The following PLG variants were observed in gnomAD, a reference collection of about 807,000 sequenced individuals.
PLG encodes the protein plasmin.
PLG carries 41 observed loss-of-function variants against 104.4 expected under a neutral mutation model. That is an observed-to-expected ratio of 0.39 (90% CI 0.31 to 0.51). The LOEUF (loss-of-function observed/expected upper bound fraction) is 0.51, where lower values mean the gene tolerates loss of function less well. Among genes scored for constraint, PLG ranks in the 20% least tolerant of loss-of-function variants. PLG has a pLI of 0.76. For missense variants in PLG, 891 were observed against 1,003.6 expected, an observed-to-expected ratio of 0.89 and a Z score of 1.52; for synonymous variants, 337 against 357.1, an observed-to-expected ratio of 0.94 and a Z score of 0.63.
rs531312056 is a variant in PLG, at chr6:160,717,413, A to G, written c.787+650A>G. ...CCTTTCCTCTGACATGTGTCCTTTGAAAGCGGAAGTTCCTCAGGCATTCTC... is the reference window on the plus strand; with the variant it reads ...CCTTTCCTCTGACATGTGTCCTTTGGAAGCGGAAGTTCCTCAGGCATTCTC... On this transcript the variant is annotated intron_variant, in intron 7 of 18. Transcript: ENST00000308192. Among the ~76,000 whole-genome samples the G allele has an allele frequency of 3.9e-5, 6 of 152,338 alleles. No individual in the cohort carries two copies. The East Asian group carries it at 1.2e-3, about 29-fold the overall frequency.
In PLG at chr6:160,718,261, T is replaced by C. The variant is rs967388061; in HGVS notation, c.788-33T>C. Reference sequence around the variant, plus strand: ...GCGAGACTCCGTCTCAAAAAATATATATATTCATTGTAACTTATTTTGCCC... The same window carrying C: ...GCGAGACTCCGTCTCAAAAAATATACATATTCATTGTAACTTATTTTGCCC... On this transcript the variant is annotated intron_variant, in intron 7 of 18. Transcript: ENST00000308192. 4.4e-6 allele frequency: 7 copies of C among 1,584,972 alleles called. No homozygotes were observed. The African/African-American group carries it at 5.4e-5, about 12-fold the overall frequency.
rs532170666 is a variant in PLG at position 160,744,698 on chromosome 6, T to A, written c.2125+3281T>A. On this transcript the variant is annotated intron_variant, in intron 17 of 18. Transcript: ENST00000308192. This position sits in a 1 kb window ranked among gnomAD's most constrained non-coding sequence, Gnocchi z 4.5. ...ATTTTGGTTATTTCTTGCCATCTGC[T>A]AGCTTTGGGGTTGATTTGCTCTTGT... 4.6e-5 allele frequency among the ~76,000 whole-genome samples: 7 copies of A among 152,336 alleles called. No individual in the cohort carries two copies. In the East Asian group the frequency reaches 1.4e-3, roughly 29 times the overall value.
At chr6:160,716,550 A>C in intron 6 of PLG, 95 bp from the exon 7 acceptor site, 1 of 810,322 alleles carries the variant, frequency 1.2e-6, no homozygotes, top group Non-Finnish European at 2.2e-6. Flanking sequence ...GACTGTGCCT[A>C]GCACACAGCA....
Position 160,719,823 on chromosome 6 carries a change from G to A in PLG, c.1096+985G>A, listed in dbSNP as rs1777800325. ...TATACTATTACTCTTTGTAATAGAA[G>A]CTTACTTCTACTATGTCACAGATCT... On this transcript the variant is annotated intron_variant, in intron 9 of 18. Transcript: ENST00000308192. The surrounding 1 kb of genome is among the most constrained non-coding windows in gnomAD (Gnocchi z 4.1). Among the ~76,000 whole-genome samples, 1 of 152,112 alleles carries A rather than the reference G, an allele frequency of 6.6e-6. No individual in the cohort carries two copies. Among genetic ancestry groups the A allele is most frequent in the Admixed American group, 6.5e-5 (1 of 15,268 alleles).
chr6:160,745,222 C>T (rs564763294), intron 17 of PLG, among the ~76,000 whole-genome samples: 6 of 152,202 alleles, frequency 3.9e-5, no homozygotes, highest in South Asian at 2.1e-4. Context: ...TTTTGTGCCT[C>T]GATGATCTGT....
Position 160,716,710 on chromosome 6 carries a change from G to A in PLG, c.734G>A (p.Cys245Tyr). 2 of 1,613,770 alleles carry A rather than the reference G, an allele frequency of 1.2e-6. No homozygotes were observed. The highest frequency in any genetic ancestry group is 1.7e-6 in the Non-Finnish European group (2 of 1,179,664). The change falls in exon 7 of 19, where the codon TGT (cysteine) becomes TAT (tyrosine). Residue 245 changes from cysteine (C) to tyrosine (Y), a missense_variant. By Grantham distance (194) the Cys-to-Tyr change is radical. Coordinates refer to ENST00000308192, the MANE Select transcript of PLG (RefSeq NM_000301.5). Reference protein sequence around the residue: ...RNPDRELRPWCFTTDPNKRWE... With the variant: ...RNPDRELRPWYFTTDPNKRWE... Reference sequence around the variant, plus strand: ...CCCGATAGGGAGCTGCGGCCTTGGTGTTTCACCACCGACCCCAACAAGCGC... The same window carrying A: ...CCCGATAGGGAGCTGCGGCCTTGGTATTTCACCACCGACCCCAACAAGCGC...
intron 1 of PLG, among the ~76,000 whole-genome samples, chr6:160,703,938 G>A (rs1263850628): frequency 6.6e-6 from 1 of 152,162 alleles, no homozygotes; most frequent in African/African-American, 2.4e-5. Context: ...CCGGGGAGAG[G>A]GAAAAGTTTC....
chr6:160,743,224 G>C (rs1302548518), intron 17 of PLG, among the ~76,000 whole-genome samples: 1 of 152,120 alleles, frequency 6.6e-6, no homozygotes, highest in African/African-American at 2.4e-5. Flanking sequence ...GATAGGAATA[G>C]CAATGAATCT....
At position 160,715,376 on chromosome 6, in the gene PLG, A is replaced by T. The variant is rs565042037; in HGVS notation, c.668+462A>T. ...CAAGTCTCCTAACCTTTGACCTATG[A>T]GCAGACGTCATGGATTTTTGAATCC... On this transcript the variant is annotated intron_variant, in intron 6 of 18. Transcript: ENST00000308192. 2.6e-5 allele frequency among the ~76,000 whole-genome samples: 4 copies of T among 152,256 alleles called. No homozygotes were observed. In the South Asian group the frequency reaches 8.3e-4, roughly 32 times the overall value.
chr6:160,736,322 G>A lies in PLG; in HGVS notation c.1682-565G>A, dbSNP rs1778082617. On this transcript the variant is annotated intron_variant, in intron 13 of 18. Coordinates refer to ENST00000308192, the MANE Select transcript of PLG (RefSeq NM_000301.5). This position sits in a 1 kb window ranked among gnomAD's most constrained non-coding sequence, Gnocchi z 5.2. ...GGAGGCTCCCCAGAGGAGCTGTCCT[G>A]AAGCTGGCTGACAGAAGGCAACATT... is the stretch of plus-strand genomic sequence containing the variant. 6.6e-6 allele frequency among the ~76,000 whole-genome samples: 1 copy of A among 152,218 alleles called. No homozygotes were observed. The highest frequency in any genetic ancestry group is 2.1e-4 in the South Asian group (1 of 4,832).
rs577116821 is a variant in PLG at position 160,705,337 on chromosome 6, A to G, written c.50-1070A>G. ...GAGCACAGCTGAGGCCCCCTTGGCC[A>G]CCCTCTGCCACGACCAGGCAGAAAG... is the stretch of plus-strand genomic sequence containing the variant. On this transcript the variant is annotated intron_variant, in intron 1 of 18. Transcript: ENST00000308192. The G allele has an allele frequency of 2.0e-5, 3 of 150,134 alleles. No homozygotes were observed. In the South Asian group the frequency reaches 6.3e-4, roughly 32 times the overall value. 9.3% of individuals were successfully genotyped at this position (150,134 alleles called of 1,614,324 possible). A position where few individuals can be genotyped will look rare whatever the true frequency, so the allele number is the denominator to read the frequency against.
chr6:160,712,859 C>T (rs1390551089), intron 4 of PLG, 127 bp from the exon 5 acceptor site: 4 of 770,964 alleles, frequency 5.2e-6, no homozygotes, highest in Non-Finnish European at 6.9e-6. Flanking sequence ...ACAAATGCTG[C>T]AGCACCCAGC....
intron 17 of PLG, among the ~76,000 whole-genome samples, chr6:160,749,458 C>T (rs973741921): frequency 1.3e-5 from 2 of 149,680 alleles, no homozygotes; most frequent in African/African-American, 4.9e-5. Flanking sequence ...ACCACCATCA[C>T]CATTAACATT....
Position 160,739,259 on chromosome 6 carries a change from T to C in PLG, c.2018+51T>C, listed in dbSNP as rs1238212526. On this transcript the variant is annotated intron_variant, in intron 16 of 18. Transcript: ENST00000308192. This position sits in a 1 kb window ranked among gnomAD's most constrained non-coding sequence, Gnocchi z 4.4. ...CCCACGCTGGTGAAGATATTTGCTT[T>C]ATGTCTGGGTTTTATGGGCCATGGC... 6.2e-7 allele frequency: 1 copy of C among 1,613,256 alleles called. No individual in the cohort carries two copies. Among genetic ancestry groups the C allele is most frequent in the African/African-American group, 1.3e-5 (1 of 74,898 alleles).
At chr6:160,720,893 C>CT (rs200008504) in intron 9 of PLG, among the ~76,000 whole-genome samples, 67 of 150,832 alleles carry the variant, frequency 4.4e-4, no homozygotes, top group Admixed American at 4.2e-3. Flanking sequence ...AGCTTGTTCT[C>CT]TTTTTTTTTC....
chr6:160,748,682 G>C (rs1051666923), intron 17 of PLG, among the ~76,000 whole-genome samples: 5 of 152,210 alleles, frequency 3.3e-5, no homozygotes, highest in Non-Finnish European at 7.3e-5. Context: ...TGCAACTTAA[G>C]TTGGATTAAG....
At chr6:160,720,041 C>T (rs971946027) in intron 9 of PLG, among the ~76,000 whole-genome samples, 2 of 152,114 alleles carry the variant, frequency 1.3e-5, no homozygotes, top group African/African-American at 4.8e-5. Flanking sequence ...TTTTGTAGCA[C>T]AGGTCTGCTA....
Position 160,742,952 on chromosome 6 carries a change from G to A in PLG, c.2125+1535G>A, listed in dbSNP as rs540951783. ...TTGTCAGCTTTGTTAAAAATCAGAT[G>A]TCTGTAGGTGTGTGGCCTTATTTCT... On this transcript the variant is annotated intron_variant, in intron 17 of 18. Transcript: ENST00000308192. Among the ~76,000 whole-genome samples the A allele has an allele frequency of 2.7e-5, 4 of 150,730 alleles. No individual in the cohort carries two copies. In the South Asian group the frequency reaches 8.4e-4, roughly 32 times the overall value.
In PLG at chr6:160,752,216, G is replaced by A. The variant is rs757693607; in HGVS notation, c.2227G>A (p.Glu743Lys). 1.2e-6 allele frequency: 2 copies of A among 1,613,912 alleles called. No individual in the cohort carries two copies. The highest frequency in any genetic ancestry group is 1.7e-6 in the Non-Finnish European group (2 of 1,179,838). Reference protein sequence around the residue: ...EFLNGRVQSTELCAGHLAGGT... With the variant: ...EFLNGRVQSTKLCAGHLAGGT... Reference sequence around the variant, plus strand: ...TCTGAATGGAAGAGTCCAATCCACCGAACTCTGTGCTGGGCATTTGGCCGG... The same window carrying A: ...TCTGAATGGAAGAGTCCAATCCACCAAACTCTGTGCTGGGCATTTGGCCGG... Residue 743 changes from glutamate to lysine, a missense_variant, in exon 18 of 19, where the codon GAA (glutamate) becomes AAA (lysine). This residue lies in a region of PLG where 854 missense variants were observed against 932.1 expected (regional missense o/e 0.92). Transcript: ENST00000308192. The surrounding 1 kb of genome is among the most constrained non-coding windows in gnomAD (Gnocchi z 4.7).
Sources: gnomAD v4.1 joint callset for allele counts (sites outside exome capture counted in the v4.1 genomes callset) on GRCh38, gnomAD v4.1.1 for gene constraint, gnomAD v4.1.1 regional missense constraint, Gnocchi (gnomAD v3.1) non-coding constraint, MANE v1.5 for transcripts, NCBI Gene and HGNC (gene_info 2026-07-23, HGNC 2026-07-21) for gene names.